AGMO: variants seen among roughly 807,000 people sequenced by gnomAD.
AGMO encodes glyceryl-ether monooxygenase.
In AGMO, 75 loss-of-function variants were observed where a neutral mutation model predicts 60.2. That is an observed-to-expected ratio of 1.25 (90% CI 1.03 to 1.51). The LOEUF is 1.51. Among genes scored for constraint, AGMO ranks in the 40% most tolerant of loss-of-function variants. The pLI is 0.00. For synonymous variants in AGMO, 261 were observed against 177.1 expected, an observed-to-expected ratio of 1.47 and a Z score of -3.76; for missense variants, 763 against 525.5, an observed-to-expected ratio of 1.45 and a Z score of -4.42.
intron 12 of AGMO, among the ~76,000 whole-genome samples, chr7:15,261,001 G>A (rs1234674357): frequency 2.6e-5 from 4 of 151,686 alleles, no homozygotes; most frequent in African/African-American, 9.7e-5. Flanking sequence ...AAAACCTCTG[G>A]GATACAGCAA....
chr7:15,203,745 G>A (rs1379858969), intron 12 of AGMO, among the ~76,000 whole-genome samples: 9 of 152,054 alleles, frequency 5.9e-5, no homozygotes, highest in African/African-American at 4.8e-5. Context: ...CAAAATTCAT[G>A]TGGTTATACC....
At chr7:15,378,643 G>A (rs1431238982) in intron 10 of AGMO, among the ~76,000 whole-genome samples, 1 of 151,748 alleles carries the variant, frequency 6.6e-6, no homozygotes, top group Non-Finnish European at 1.5e-5. Flanking sequence ...TCCAGACAGA[G>A]AATTAACAAA....
chr7:15,352,660 A>G (rs899012141), intron 12 of AGMO, among the ~76,000 whole-genome samples: 1 of 151,920 alleles, frequency 6.6e-6, no homozygotes, highest in Non-Finnish European at 1.5e-5. Context: ...ACCAGCTTAC[A>G]GGCAACAGCA....
chr7:15,362,607 C>A (rs1350314188), intron 12 of AGMO, among the ~76,000 whole-genome samples: 3 of 152,136 alleles, frequency 2.0e-5, no homozygotes, highest in Non-Finnish European at 4.4e-5. Context: ...TCCCAGGCAA[C>A]ATCTACTCTT....
At chr7:15,488,499 T>C (rs1483439989) in intron 3 of AGMO, among the ~76,000 whole-genome samples, 1 of 152,174 alleles carries the variant, frequency 6.6e-6, no homozygotes, top group Non-Finnish European at 1.5e-5. Flanking sequence ...AAGCCCATTC[T>C]TGGCATTGTC....
At chr7:15,273,579 G>A (rs947993078) in intron 12 of AGMO, among the ~76,000 whole-genome samples, 10 of 152,032 alleles carry the variant, frequency 6.6e-5, no homozygotes, top group Admixed American at 6.6e-4. Flanking sequence ...TTGTTCTTTT[G>A]GCTTAGGATT....
chr7:15,557,572 T>C (rs1319518952), intron 2 of AGMO, among the ~76,000 whole-genome samples: 1 of 151,964 alleles, frequency 6.6e-6, no homozygotes, highest in Non-Finnish European at 1.5e-5. Context: ...CGCTTTTCCT[T>C]TTCTGTTTAT....
intron 4 of AGMO, among the ~76,000 whole-genome samples, chr7:15,424,538 A>T (rs1338339776): frequency 6.6e-6 from 1 of 152,162 alleles, no homozygotes; most frequent in Non-Finnish European, 1.5e-5. Flanking sequence ...GAATAATTTT[A>T]TTTTTTACCA....
At chr7:15,520,261 A>G (rs1284616573) in intron 3 of AGMO, among the ~76,000 whole-genome samples, 4 of 152,080 alleles carry the variant, frequency 2.6e-5, no homozygotes, top group Admixed American at 1.3e-4. Context: ...AGACTTTAAC[A>G]CCCCATTGTC....
chr7:15,343,330 G>A (rs907170774), intron 12 of AGMO, among the ~76,000 whole-genome samples: 8 of 151,982 alleles, frequency 5.3e-5, no homozygotes, highest in South Asian at 2.1e-4. Context: ...AATATCTTGC[G>A]GAAATAATTA....
intron 12 of AGMO, among the ~76,000 whole-genome samples, chr7:15,261,019 G>C (rs1183386815): frequency 6.6e-6 from 1 of 152,010 alleles, no homozygotes; most frequent in Non-Finnish European, 1.5e-5. Flanking sequence ...CAAAAGCAGA[G>C]CTAAGAGGAA....
At chr7:15,266,571 T>C (rs964010877) in intron 12 of AGMO, among the ~76,000 whole-genome samples, 7 of 151,886 alleles carry the variant, frequency 4.6e-5, no homozygotes, top group African/African-American at 1.2e-4. Context: ...TTCTGCTCAG[T>C]GATTGTCAGT....
At chr7:15,475,023 A>C (rs1422496322) in intron 3 of AGMO, among the ~76,000 whole-genome samples, 3 of 152,192 alleles carry the variant, frequency 2.0e-5, no homozygotes, top group Non-Finnish European at 4.4e-5. Context: ...AATGGTGATC[A>C]TTAAAAAGTC....
chr7:15,489,043 C>T (rs117796902), intron 3 of AGMO, among the ~76,000 whole-genome samples: 44 of 152,198 alleles, frequency 2.9e-4, no homozygotes, highest in Non-Finnish European at 5.1e-4. Flanking sequence ...TACAAGGATT[C>T]TTACAAATCA....
At chr7:15,216,865 T>TGTGTGC (rs58366266) in intron 12 of AGMO, among the ~76,000 whole-genome samples, 2 of 150,584 alleles carry the variant, frequency 1.3e-5, no homozygotes, top group South Asian at 4.2e-4. Flanking sequence ...TGTGTGTGTG[T>TGTGTGC]ACACATGCAC....
At chr7:15,293,671 T>A (rs1784336651) in intron 12 of AGMO, among the ~76,000 whole-genome samples, 1 of 152,192 alleles carries the variant, frequency 6.6e-6, no homozygotes, top group Admixed American at 6.5e-5. Context: ...AAGATCAGTA[T>A]TTGATAAGTG....
chr7:15,160,635 G>A, the AGMO span, among the ~76,000 whole-genome samples: 1 of 151,950 alleles, frequency 6.6e-6, no homozygotes, highest in Non-Finnish European at 1.5e-5. Flanking sequence ...AATTCCATAT[G>A]GAAAGGAACA....
the AGMO span, among the ~76,000 whole-genome samples, chr7:15,168,117 G>A: frequency 2.8e-4 from 42 of 152,306 alleles, no homozygotes; most frequent in Middle Eastern, 3.4e-3. Context: ...GGTGTGGCCA[G>A]TTAATACCAG....
rs543609569 is a variant in AGMO at position 15,314,562 on chromosome 7, G to GT, written c.1263+50951dup. On this transcript the variant is annotated intron_variant, in intron 12 of 12. Transcript: ENST00000342526. Reference sequence around the variant, plus strand: ...TTCCTGACATTTAGGTTAATCTGAAGTTTTTAGTTCACTGGAACACTGCAT... The same window carrying GT: ...TTCCTGACATTTAGGTTAATCTGAAGTTTTTTAGTTCACTGGAACACTGCAT... 1.6e-3 allele frequency among the ~76,000 whole-genome samples: 237 copies of GT among 152,174 alleles called. 1 individual carries two copies. Among genetic ancestry groups the GT allele is most frequent in the African/African-American group, 5.4e-3 (226 of 41,544 alleles).
Sources: gnomAD v4.1 joint callset for allele counts (sites outside exome capture counted in the v4.1 genomes callset) on GRCh38, gnomAD v4.1.1 for gene constraint, MANE v1.5 for transcripts, NCBI Gene and HGNC (gene_info 2026-07-23, HGNC 2026-07-21) for gene names.